The following CCDC186 variants were observed in gnomAD, a reference collection of about 807,000 sequenced individuals.
The protein encoded by CCDC186 is coiled-coil domain-containing protein 186.
A neutral mutation model predicts 113.7 loss-of-function variants in CCDC186; 49 were observed. The ratio of observed to expected loss-of-function variants is 0.43; its 90% CI spans 0.34 to 0.55. The LOEUF is 0.55. Ranked by LOEUF, CCDC186 falls within the 20% of genes least tolerant of loss-of-function variation. The pLI is 0.02. For synonymous variants in CCDC186, 355 were observed against 345.8 expected (o/e 1.03, Z -0.30); for missense variants, 890 against 1,011.1 (o/e 0.88, Z 1.62).
intron 13 of CCDC186, among the ~76,000 whole-genome samples, chr10:114,129,063 G>C (rs1197406648): frequency 6.6e-6 from 1 of 152,234 alleles, no homozygotes. Flanking sequence ...AGAACTCTGG[G>C]AGGCCAAGGT....
chr10:114,162,743 C>A lies in CCDC186; in HGVS notation c.526G>T (p.Ala176Ser). Reference sequence around the variant, plus strand: ...ATTCCATTTGGTACTCGATGTTCTGCAAACTCCGTAGATAAGAGCTCAGAT... The same window carrying A: ...ATTCCATTTGGTACTCGATGTTCTGAAAACTCCGTAGATAAGAGCTCAGAT... ...IESELLSTEF[A>S]EHRVPNGMNK... The change falls in exon 2 of 16, where the codon GCA becomes TCA. Residue 176 changes from alanine (A) to serine (S), a missense_variant. By Grantham distance (99) the Ala-to-Ser change is moderately conservative (BLOSUM62 1). Coordinates refer to ENST00000369287, the MANE Select transcript of CCDC186 (RefSeq NM_018017.4). 6.2e-7 allele frequency: 1 copy of A among 1,613,946 alleles called. No individual in the cohort carries two copies. Among genetic ancestry groups the A allele is most frequent in the African/African-American group, 1.3e-5 (1 of 75,042 alleles).
At chr10:114,150,678 T>G (rs1461700859) in intron 4 of CCDC186, among the ~76,000 whole-genome samples, 1 of 152,200 alleles carries the variant, frequency 6.6e-6, no homozygotes, top group African/African-American at 2.4e-5. Context: ...AGACAGAGTC[T>G]TGCTTTGTCA....
chr10:114,163,775 A>G (rs2032247577), intron 1 of CCDC186, among the ~76,000 whole-genome samples: 1 of 152,202 alleles, frequency 6.6e-6, no homozygotes, highest in African/African-American at 2.4e-5. Context: ...ACAAACCAAG[A>G]TAACAAAACA....
chr10:114,147,966 A>G (rs1010309600), intron 4 of CCDC186, among the ~76,000 whole-genome samples: 1 of 151,472 alleles, frequency 6.6e-6, no homozygotes, highest in African/African-American at 2.4e-5. Context: ...CCCTATCTAC[A>G]AAAAAAACAA....
chr10:114,161,044 C>T (rs2032154972), intron 2 of CCDC186, among the ~76,000 whole-genome samples: 1 of 152,192 alleles, frequency 6.6e-6, no homozygotes. Context: ...CTTCCAAATA[C>T]CAGACATCAG....
chr10:114,147,961 T>A (rs925430942), intron 4 of CCDC186, among the ~76,000 whole-genome samples: 55 of 151,734 alleles, frequency 3.6e-4, no homozygotes, highest in African/African-American at 1.3e-3. Context: ...AAATCCCCTA[T>A]CTACAAAAAA....
intron 3 of CCDC186, among the ~76,000 whole-genome samples, chr10:114,155,395 C>G (rs1032900026): frequency 5.3e-5 from 8 of 152,206 alleles, no homozygotes; most frequent in African/African-American, 1.7e-4. Flanking sequence ...TAAAAAGAAG[C>G]TGGGCGCAGT....
intron 1 of CCDC186, among the ~76,000 whole-genome samples, chr10:114,167,670 A>G (rs550604096): frequency 6.6e-6 from 1 of 152,080 alleles, no homozygotes; most frequent in South Asian, 2.1e-4. Flanking sequence ...GATTATTTTA[A>G]TTTAAGAAGT....
chr10:114,156,698 C>T (rs2032021026), intron 3 of CCDC186, among the ~76,000 whole-genome samples: 1 of 151,888 alleles, frequency 6.6e-6, no homozygotes, highest in South Asian at 2.1e-4. Context: ...CTGAATTCCA[C>T]CCTGGGTGAC....
intron 2 of CCDC186, 151 bp downstream of exon 2, chr10:114,162,486 A>G (rs2119818381): frequency 1.1e-5 from 6 of 567,292 alleles, no homozygotes; most frequent in Non-Finnish European, 1.8e-5. Flanking sequence ...TCACACATTC[A>G]GCAACTATAC....
chr10:114,152,586 T>C (rs756245148), intron 3 of CCDC186, among the ~76,000 whole-genome samples: 1 of 152,096 alleles, frequency 6.6e-6, no homozygotes, highest in South Asian at 2.1e-4. Context: ...GAAGGAGGAA[T>C]AGGGGAAGAA....
chr10:114,151,991 T>C (rs1315670616), intron 3 of CCDC186, among the ~76,000 whole-genome samples: 1 of 152,182 alleles, frequency 6.6e-6, no homozygotes, highest in Non-Finnish European at 1.5e-5. Context: ...TCATGCTAGT[T>C]TTGCTGTCAC....
intron 1 of CCDC186, among the ~76,000 whole-genome samples, chr10:114,166,672 C>A (rs1759325921): frequency 6.6e-6 from 1 of 152,218 alleles, no homozygotes; most frequent in South Asian, 2.1e-4. Context: ...AAATGCTCTT[C>A]AGTGGCTATA....
At chr10:114,126,431 G>A (rs1177295509) in intron 14 of CCDC186, among the ~76,000 whole-genome samples, 3 of 152,030 alleles carry the variant, frequency 2.0e-5, no homozygotes, top group Non-Finnish European at 4.4e-5. Context: ...AACATAGCTC[G>A]CTGCAGCCTC....
At chr10:114,166,694 G>A (rs1041772852) in intron 1 of CCDC186, among the ~76,000 whole-genome samples, 1 of 152,196 alleles carries the variant, frequency 6.6e-6, no homozygotes, top group Non-Finnish European at 1.5e-5. Context: ...AAATGAAGGT[G>A]GGGTCAACTG....
intron 1 of CCDC186, among the ~76,000 whole-genome samples, chr10:114,170,196 T>C (rs1218545461): frequency 6.6e-6 from 1 of 152,078 alleles, no homozygotes; most frequent in African/African-American, 2.4e-5. Context: ...TTTATGCAGA[T>C]CAAATTCTGC....
chr10:114,145,791 G>T (rs1016691273), intron 4 of CCDC186, 30 bp from the exon 5 acceptor site: 17 of 1,526,136 alleles, frequency 1.1e-5, no homozygotes, highest in Non-Finnish European at 1.4e-5. Context: ...TAGCATTAAT[G>T]AAAAATAATG....
chr10:114,169,895 C>A (rs1450012089), intron 1 of CCDC186, among the ~76,000 whole-genome samples: 1 of 152,036 alleles, frequency 6.6e-6, no homozygotes, highest in African/African-American at 2.4e-5. Flanking sequence ...AGCTAGCTAC[C>A]TACTTATTTA....
chr10:114,127,518 A>G lies in CCDC186; in HGVS notation c.2336T>C (p.Ile779Thr), dbSNP rs553836080. 2 of 1,614,024 alleles carry G rather than the reference A, an allele frequency of 1.2e-6. No homozygotes were observed. The highest frequency in any genetic ancestry group is 2.2e-5 in the South Asian group (2 of 91,072). ...QKAHARKNEKIEFMEDHIKQL... is the reference protein window; with the variant it reads ...QKAHARKNEKTEFMEDHIKQL... ...TTTGATGTGGTCCTCCATAAATTCT[A>G]TCTTTTCATTTTTCCGGGCATGTGC... The change falls in exon 14 of 16, where the codon ATA (isoleucine) becomes ACA (threonine). Residue 779 changes from isoleucine (I) to threonine (T), a missense_variant. By Grantham distance (89) the Ile-to-Thr change is moderately conservative. Coordinates refer to ENST00000369287, the MANE Select transcript of CCDC186 (RefSeq NM_018017.4).
Sources: allele counts gnomAD v4.1 joint callset (sites outside exome capture counted in the v4.1 genomes callset), GRCh38; gene constraint gnomAD v4.1.1; transcripts MANE v1.5; gene names NCBI Gene and HGNC (gene_info 2026-07-23, HGNC 2026-07-21).